PCDH1: variants seen among roughly 807,000 people sequenced by gnomAD.
PCDH1 encodes protocadherin 1, also known as protocadherin-1.
In PCDH1, 23 loss-of-function variants were observed where a neutral mutation model predicts 74.6. The observed-to-expected ratio is 0.31, with a 90% confidence interval of 0.22 to 0.44. The LOEUF (loss-of-function observed/expected upper bound fraction) is 0.44. Ranked by LOEUF, PCDH1 falls within the 20% of genes least tolerant of loss-of-function variation. The probability of loss-of-function intolerance (pLI) is 1.00; values close to 1 mark genes in which losing one functional copy is unlikely to be tolerated. For missense variants in PCDH1, 1,214 were observed against 1,641.4 expected, an observed-to-expected ratio of 0.74 and a Z score of 4.50; for synonymous variants, 647 against 686.1, an observed-to-expected ratio of 0.94 and a Z score of 0.89.
chr5:141,860,498 CA>C (rs375427155), intron 3 of PCDH1, among the ~76,000 whole-genome samples: 19,754 of 115,088 alleles, frequency 0.17, 1,454 homozygotes, highest in Middle Eastern at 0.34. Context: ...GACCCTGTCT[CA>C]AAAAAAAAAA....
chr5:141,864,016 C>T lies in PCDH1; in HGVS notation c.2315G>A (p.Gly772Asp). The T allele has an allele frequency of 1.2e-6, 2 of 1,614,086 alleles. No individual in the cohort carries two copies. Residue 772 changes from glycine to aspartate, a missense_variant, in exon 3 of 5, where the codon GGT (glycine) becomes GAT (aspartate). Coordinates refer to ENST00000287008, the MANE Select transcript of PCDH1 (RefSeq NM_032420.5). The surrounding 1 kb of genome is among the most constrained non-coding windows in gnomAD (Gnocchi z 5.9). ...YGLFQIGSHS[G>D]AITLEKEIER... ...AATCTCCTTCTCCAGGGTGATGGCACCTGAATGTGACCCAATCTGGAAGAG... is the reference window on the plus strand; with the variant it reads ...AATCTCCTTCTCCAGGGTGATGGCATCTGAATGTGACCCAATCTGGAAGAG...
At chr5:141,862,581 C>T in intron 3 of PCDH1, 1 of 967,234 alleles carries the variant, frequency 1.0e-6, no homozygotes, top group African/African-American at 1.8e-5. Flanking sequence ...TGAGGTAGGA[C>T]CTGAGGACAA....
At position 141,869,112 on chromosome 5, in the gene PCDH1, G is replaced by A. The variant is rs1224194773; in HGVS notation, c.360C>T (p.Leu120=). ...CAGGGAGCTGGTTCTGGCATTCACG[G>A]AGCCCCTCACGGTCGATGGAGGTCT... ...TTETSIDREG[L]RECQNQLPGD... is the part of the protein sequence containing the mutation. The change falls in exon 2 of 5, where the codon CTC becomes CTT. Residue 120 remains leucine (L), a synonymous_variant. Transcript: ENST00000287008. This position sits in a 1 kb window ranked among gnomAD's most constrained non-coding sequence, Gnocchi z 4.9. 1 of 1,613,788 alleles carries A rather than the reference G, an allele frequency of 6.2e-7. No individual in the cohort carries two copies. The highest frequency in any genetic ancestry group is 8.5e-7 in the Non-Finnish European group (1 of 1,179,936).
At position 141,865,366 on chromosome 5, in the gene PCDH1, G is replaced by A. The variant is rs374705686; in HGVS notation, c.965C>T (p.Ala322Val). 5.2e-5 allele frequency: 84 copies of A among 1,613,988 alleles called. No individual in the cohort carries two copies. Among genetic ancestry groups the A allele is most frequent in the East Asian group, 8.9e-5 (4 of 44,896 alleles). ...AAGAAGACGCCTCACAACTTCGGGC[G>A]CCTGGTGGAATGTGTATTCGATTTC... ...NAEIEYTFHQ[A>V]PEVVRRLLRL... is the part of the protein sequence containing the mutation. Residue 322 changes from alanine to valine, a missense_variant, in exon 3 of 5, where the codon GCG becomes GTG. Around this residue, in one of 4 missense-constraint regions of PCDH1, gnomAD observed 836 missense variants for 1,182.2 expected, o/e 0.71. Transcript: ENST00000287008. This position sits in a 1 kb window ranked among gnomAD's most constrained non-coding sequence, Gnocchi z 4.4.
chr5:141,861,168 T>G (rs1752549726), intron 3 of PCDH1, among the ~76,000 whole-genome samples: 1 of 151,070 alleles, frequency 6.6e-6, no homozygotes, highest in Non-Finnish European at 1.5e-5. Flanking sequence ...TAGAAGTAGT[T>G]TCATGGAATA....
rs370784028 is a variant in PCDH1, at chr5:141,863,177, C to T, written c.3099+55G>A. 2.0e-5 allele frequency: 30 copies of T among 1,505,578 alleles called. No individual in the cohort carries two copies. The African/African-American group carries it at 2.4e-4, about 12-fold the overall frequency. The allele number at this position is 1,505,578 out of a possible 1,614,324, so 93.3% of individuals were successfully genotyped here. A position where few individuals can be genotyped will look rare whatever the true frequency, so the allele number is the denominator to read the frequency against. ...TCCCACACCTCGGTCCAGATGGCTC[C>T]GTGGTAGGGGTGGGGTAGGGGCTGG... On this transcript the variant is annotated intron_variant, in intron 3 of 4. Transcript: ENST00000287008. This position sits in a 1 kb window ranked among gnomAD's most constrained non-coding sequence, Gnocchi z 7.5.
chr5:141,864,061 G>A lies in PCDH1; in HGVS notation c.2270C>T (p.Ala757Val). ...GAAGAGTCCATAAGGGTTGCCACCT[G>A]CAATGCTGTAGATCAGCTCAGCATT... ...GVNAELIYSI[A>V]GGNPYGLFQI... The change falls in exon 3 of 5, where the codon GCA becomes GTA. Residue 757 changes from alanine (A) to valine (V), a missense_variant. Physicochemically the swap from Ala to Val is moderately conservative, Grantham distance 64 (BLOSUM62 0). Transcript: ENST00000287008. This position sits in a 1 kb window ranked among gnomAD's most constrained non-coding sequence, Gnocchi z 5.9. 6.2e-7 allele frequency: 1 copy of A among 1,613,792 alleles called. No homozygotes were observed. The highest frequency in any genetic ancestry group is 8.5e-7 in the Non-Finnish European group (1 of 1,179,812).
In PCDH1 at chr5:141,865,041, G is replaced by C. The variant is rs1455021816; in HGVS notation, c.1290C>G (p.Val430=). Residue 430 remains valine (V), a synonymous_variant, in exon 3 of 5, where the codon GTC becomes GTG. Transcript: ENST00000287008. This position sits in a 1 kb window ranked among gnomAD's most constrained non-coding sequence, Gnocchi z 4.4. ...GCACATCACCTGCCACCACACAGGTGACAGCTGCATTCTCTCCCTCATCTC... is the reference window on the plus strand; with the variant it reads ...GCACATCACCTGCCACCACACAGGTCACAGCTGCATTCTCTCCCTCATCTC... ...SDRDEGENAA[V]TCVVAGDVPF... 3 of 1,614,052 alleles carry C rather than the reference G, an allele frequency of 1.9e-6. No individual in the cohort carries two copies. Among genetic ancestry groups the C allele is most frequent in the Non-Finnish European group, 2.5e-6 (3 of 1,180,034 alleles).
intron 1 of PCDH1, among the ~76,000 whole-genome samples, chr5:141,874,413 G>A (rs1331559163): frequency 6.6e-6 from 1 of 152,186 alleles, no homozygotes; most frequent in African/African-American, 2.4e-5. Context: ...TGCCTTCCTG[G>A]GCAACGGTGC....
intron 1 of PCDH1, among the ~76,000 whole-genome samples, chr5:141,874,422 G>C (rs990106741): frequency 2.6e-5 from 4 of 152,216 alleles, no homozygotes; most frequent in Non-Finnish European, 5.9e-5. Flanking sequence ...GGGCAACGGT[G>C]CCCTACCTCC....
rs2126819587 is a variant in PCDH1 at position 141,865,444 on chromosome 5, A to G, written c.904-17T>C. 2 of 1,604,028 alleles carry G rather than the reference A, an allele frequency of 1.2e-6. No individual in the cohort carries two copies. Among genetic ancestry groups the G allele is most frequent in the East Asian group, 4.5e-5 (2 of 44,780 alleles). On this transcript the variant is annotated splice_polypyrimidine_tract_variant and intron_variant, in intron 2 of 4. Coordinates refer to ENST00000287008, the MANE Select transcript of PCDH1 (RefSeq NM_032420.5). This position sits in a 1 kb window ranked among gnomAD's most constrained non-coding sequence, Gnocchi z 4.4. Reference sequence around the variant, plus strand: ...GGCCTTCACCTATAGGGCAGGAGAGAAAAACAAGGAGAACAGAGATGGTTT... The same window carrying G: ...GGCCTTCACCTATAGGGCAGGAGAGGAAAACAAGGAGAACAGAGATGGTTT...
chr5:141,863,384 G>T lies in PCDH1; in HGVS notation c.2947C>A (p.Gln983Lys). 6.5e-7 allele frequency: 1 copy of T among 1,550,270 alleles called. No homozygotes were observed. The change falls in exon 3 of 5, where the codon CAG becomes AAG. Residue 983 changes from glutamine to lysine, a missense_variant. Transcript: ENST00000287008. This position sits in a 1 kb window ranked among gnomAD's most constrained non-coding sequence, Gnocchi z 7.5. ...TGCTTCTTGGAGGCTGAGGGTGACT[G>T]GGGCTGCAGCTGGATGGAAGGCAGT... The part of the protein sequence containing the change: ...SPLPSIQLQP[Q>K]SPSASKKHQV...
In PCDH1 at chr5:141,864,928, T is replaced by C. The variant is rs1752752505; in HGVS notation, c.1403A>G (p.Lys468Arg). ...AATCTCAATGGTGTAGTCTTTGACC[T>C]TCTCGTAGTCTAGCGGGGTGGTAGT... ...LQTTTPLDYEKVKDYTIEIVA... is the reference protein window; with the variant it reads ...LQTTTPLDYERVKDYTIEIVA... The change falls in exon 3 of 5, where the codon AAG becomes AGG. Residue 468 changes from lysine (K) to arginine (R), a missense_variant. By Grantham distance (26) the Lys-to-Arg change is conservative. Transcript: ENST00000287008. The surrounding 1 kb of genome is among the most constrained non-coding windows in gnomAD (Gnocchi z 5.9). 6.2e-7 allele frequency: 1 copy of C among 1,614,194 alleles called. No individual in the cohort carries two copies. Among genetic ancestry groups the C allele is most frequent in the East Asian group, 2.2e-5 (1 of 44,888 alleles).
chr5:141,862,682 C>T (rs1203161225), intron 3 of PCDH1: 2 of 989,168 alleles, frequency 2.0e-6, no homozygotes, highest in African/African-American at 3.5e-5. Context: ...TTGTCAGGGT[C>T]AAGGGCATGT....
chr5:141,872,134 C>CCA (rs953301669), intron 1 of PCDH1, among the ~76,000 whole-genome samples: 1 of 145,302 alleles, frequency 6.9e-6, no homozygotes, highest in Non-Finnish European at 1.5e-5. Flanking sequence ...CCCCACCCCC[C>CCA]CCCTCCACCT....
At chr5:141,877,445 T>C (rs1753269103) in intron 1 of PCDH1, among the ~76,000 whole-genome samples, 1 of 152,030 alleles carries the variant, frequency 6.6e-6, no homozygotes, top group Non-Finnish European at 1.5e-5. Context: ...TATGCTAGGG[T>C]GTGTTCCTTA....
chr5:141,870,732 C>G (rs930454338), intron 1 of PCDH1, among the ~76,000 whole-genome samples: 2 of 152,132 alleles, frequency 1.3e-5, no homozygotes, highest in Admixed American at 6.5e-5. Context: ...TTTGCAGATC[C>G]CAGCTAGACC....
At position 141,854,232 on chromosome 5, in the gene PCDH1, G is replaced by C. The variant is rs145557825; in HGVS notation, c.3524C>G (p.Pro1175Arg). The C allele has an allele frequency of 1.6e-4, 255 of 1,610,864 alleles. No individual in the cohort carries two copies. Among genetic ancestry groups the C allele is most frequent in the Non-Finnish European group, 1.9e-4 (228 of 1,178,430 alleles). ...GGCCGTTTTGGTGTTCCGGTCTTCC[G>C]GGGGGCTGGGGCTGCCGGCGCCCGC... The part of the protein sequence containing the change: ...EPAGAGSPSP[P>R]EDRNTKTAPV... Residue 1175 changes from proline (P) to arginine (R), a missense_variant, in exon 5 of 5, where the codon CCG becomes CGG. Pro to Arg is a moderately radical substitution (Grantham distance 103). Around this residue, in one of 4 missense-constraint regions of PCDH1, gnomAD observed 194 missense variants for 198.3 expected, o/e 0.98. Coordinates refer to ENST00000287008, the MANE Select transcript of PCDH1 (RefSeq NM_032420.5).
At chr5:141,862,973 G>A in intron 3 of PCDH1, 1 of 1,250,968 alleles carries the variant, frequency 8.0e-7, no homozygotes, top group Non-Finnish European at 1.0e-6. Context: ...CCAGGGACTT[G>A]GCAAATCACA....
Sources: gnomAD v4.1 joint callset for allele counts (sites outside exome capture counted in the v4.1 genomes callset) on GRCh38, gnomAD v4.1.1 for gene constraint, gnomAD v4.1.1 regional missense constraint, Gnocchi (gnomAD v3.1) non-coding constraint, MANE v1.5 for transcripts, NCBI Gene and HGNC (gene_info 2026-07-23, HGNC 2026-07-21) for gene names.